The following MVB12B variants were observed in gnomAD, a reference collection of about 807,000 sequenced individuals.
The protein encoded by MVB12B is ESCRT-I complex subunit MVB12B.
In MVB12B, 16 loss-of-function variants were observed where a neutral mutation model predicts 41.6. That is an observed-to-expected ratio of 0.38 (90% CI 0.26 to 0.58). MVB12B has a LOEUF of 0.58. Among genes scored for constraint, MVB12B ranks in the 20% least tolerant of loss-of-function variants. The pLI is 0.62. For missense variants in MVB12B, 274 were observed against 380.2 expected, an observed-to-expected ratio of 0.72 and a Z score of 2.32; for synonymous variants, 133 against 139.7, an observed-to-expected ratio of 0.95 and a Z score of 0.34.
intron 2 of MVB12B, among the ~76,000 whole-genome samples, chr9:126,357,508 A>C (rs539633087): frequency 1.5e-4 from 23 of 152,166 alleles, no homozygotes; most frequent in African/African-American, 5.3e-4. Context: ...CCTTGCCAAC[A>C]CTTGAGATAG....
At chr9:126,455,247 G>A (rs1832958297) in intron 7 of MVB12B, among the ~76,000 whole-genome samples, 1 of 151,866 alleles carries the variant, frequency 6.6e-6, no homozygotes, top group South Asian at 2.1e-4. Flanking sequence ...GAGTGCAGTG[G>A]CGTGATCTCA....
chr9:126,409,742 A>T (rs540719126), intron 6 of MVB12B, among the ~76,000 whole-genome samples: 2 of 152,230 alleles, frequency 1.3e-5, no homozygotes, highest in Non-Finnish European at 2.9e-5. Context: ...GGCTGTGTTC[A>T]CAGGTGAGCA....
At chr9:126,403,931 A>T (rs1320643222) in intron 6 of MVB12B, among the ~76,000 whole-genome samples, 1 of 150,924 alleles carries the variant, frequency 6.6e-6, no homozygotes, top group Non-Finnish European at 1.5e-5. Context: ...CAAAGGCTTT[A>T]CAAATAACTC....
rs11299290 is a variant in MVB12B, at chr9:126,384,834, ATTT to A, written c.313-1710_313-1708del. On this transcript the variant is annotated intron_variant, in intron 3 of 9. Transcript: ENST00000361171. ...AGGCATGAGCCACCATGCCTGGCAGATTTTTTTTTTTTTTTTTTTTGAGACAGA... is the reference window on the plus strand; with the variant it reads ...AGGCATGAGCCACCATGCCTGGCAGATTTTTTTTTTTTTTTTTGAGACAGA... 2.4e-3 allele frequency among the ~76,000 whole-genome samples: 266 copies of A among 111,012 alleles called. 2 individuals are homozygous for A. The highest frequency in any genetic ancestry group is 0.016 in the South Asian group (52 of 3,174). 72.8% of individuals were successfully genotyped at this position (111,012 alleles called of 152,430 possible).
chr9:126,365,945 T>C (rs1049582478), intron 2 of MVB12B, among the ~76,000 whole-genome samples: 5 of 152,144 alleles, frequency 3.3e-5, no homozygotes, highest in African/African-American at 1.2e-4. Context: ...GTAGCAGAGA[T>C]TGGAGCACCC....
intron 1 of MVB12B, among the ~76,000 whole-genome samples, chr9:126,331,059 C>T (rs1057422579): frequency 6.6e-6 from 1 of 152,100 alleles, no homozygotes; most frequent in African/African-American, 2.4e-5. Flanking sequence ...AATAATGTTG[C>T]TCTGAACATG....
chr9:126,356,783 A>C (rs1245215643), intron 2 of MVB12B, among the ~76,000 whole-genome samples: 1 of 151,974 alleles, frequency 6.6e-6, no homozygotes, highest in Non-Finnish European at 1.5e-5. Context: ...CTGATCATTT[A>C]AAACTGTGTG....
intron 1 of MVB12B, among the ~76,000 whole-genome samples, chr9:126,336,798 C>T (rs1165575615): frequency 2.0e-5 from 3 of 150,970 alleles, no homozygotes; most frequent in East Asian, 2.0e-4. Flanking sequence ...CCTGCCTTGC[C>T]GAGGGAGCCT....
intron 6 of MVB12B, among the ~76,000 whole-genome samples, chr9:126,400,666 G>A (rs905272339): frequency 1.3e-5 from 2 of 152,142 alleles, no homozygotes; most frequent in Non-Finnish European, 2.9e-5. Context: ...AGCCGTCGTC[G>A]ATGCTGCTTC....
intron 7 of MVB12B, among the ~76,000 whole-genome samples, chr9:126,426,250 A>G (rs868395412): frequency 6.6e-6 from 1 of 152,200 alleles, no homozygotes; most frequent in African/African-American, 2.4e-5. Flanking sequence ...CATGGGTGCT[A>G]TTCATCCTTA....
chr9:126,343,956 C>CA (rs1829519491), intron 2 of MVB12B, among the ~76,000 whole-genome samples: 1 of 151,554 alleles, frequency 6.6e-6, no homozygotes, highest in Non-Finnish European at 1.5e-5. Flanking sequence ...GCCTACAACT[C>CA]AGAGACTGAA....
chr9:126,373,758 A>G (rs994856454), intron 2 of MVB12B, among the ~76,000 whole-genome samples: 2 of 152,310 alleles, frequency 1.3e-5, no homozygotes, highest in East Asian at 3.9e-4. Context: ...TCAAGTTTAA[A>G]TCCAGCGGAT....
chr9:126,440,085 G>A (rs901244579), intron 7 of MVB12B, among the ~76,000 whole-genome samples: 1 of 152,184 alleles, frequency 6.6e-6, no homozygotes, highest in Non-Finnish European at 1.5e-5. Context: ...TTAATGCCTG[G>A]TTTGGACAGA....
At chr9:126,472,345 A>G (rs563213534) in intron 7 of MVB12B, among the ~76,000 whole-genome samples, 2 of 152,146 alleles carry the variant, frequency 1.3e-5, no homozygotes, top group South Asian at 4.2e-4. Context: ...CAAAGTTCCT[A>G]CAGATTCATG....
chr9:126,377,404 C>A (rs958563030), intron 2 of MVB12B, among the ~76,000 whole-genome samples: 5 of 152,104 alleles, frequency 3.3e-5, no homozygotes, highest in Admixed American at 2.6e-4. Context: ...CACAAGAGAA[C>A]CAAAAGAGTA....
intron 2 of MVB12B, among the ~76,000 whole-genome samples, chr9:126,353,438 T>C (rs1360289): frequency 0.71 from 107,580 of 152,062 alleles, 38,579 homozygotes; most frequent in African/African-American, 0.76. Context: ...GGCCCTATAG[T>C]TTGATGGTGA....
chr9:126,373,098 A>G (rs923666934), intron 2 of MVB12B, among the ~76,000 whole-genome samples: 43 of 152,290 alleles, frequency 2.8e-4, no homozygotes, highest in African/African-American at 9.9e-4. Flanking sequence ...AGGCAGATGC[A>G]TTTGTCTCAG....
chr9:126,405,196 A>C (rs7858826), intron 6 of MVB12B, among the ~76,000 whole-genome samples: 18,870 of 150,412 alleles, frequency 0.13, 1,572 homozygotes, highest in East Asian at 0.39. Context: ...ATTTTGGTGA[A>C]TTTCTGAGTG....
rs778591044 is a variant in MVB12B, at chr9:126,506,134, C to G, written c.*2871C>G. 1 of 152,554 alleles carries G rather than the reference C, an allele frequency of 6.6e-6. No individual in the cohort carries two copies. Among genetic ancestry groups the G allele is most frequent in the Non-Finnish European group, 1.5e-5 (1 of 68,076 alleles). The allele number at this position is 152,554 out of a possible 1,614,324, so 9.5% of individuals were successfully genotyped here. On this transcript the variant is annotated 3_prime_UTR_variant, in exon 10 of 10. Coordinates refer to ENST00000361171, the MANE Select transcript of MVB12B (RefSeq NM_033446.3). ...CCCACCCCAAGTCCAAGAACAAATG[C>G]CAGCCACGTCCTCCGCCACTTGGAG...
Sources: allele counts gnomAD v4.1 joint callset (sites outside exome capture counted in the v4.1 genomes callset), GRCh38; gene constraint gnomAD v4.1.1; transcripts MANE v1.5; gene names NCBI Gene and HGNC (gene_info 2026-07-23, HGNC 2026-07-21).